Variants in WDR45B observed in about 807,000 individuals in gnomAD.
The protein encoded by WDR45B is WD repeat domain 45B.
In WDR45B, 20 loss-of-function variants were observed where a neutral mutation model predicts 44.6. That is an observed-to-expected ratio of 0.45 (90% CI 0.32 to 0.65). WDR45B has a LOEUF of 0.65. Ranked by LOEUF, WDR45B falls within the 30% of genes least tolerant of loss-of-function variation. The pLI is 0.05. For missense variants in WDR45B, 323 were observed against 430.2 expected (o/e 0.75, Z 2.20); for synonymous variants, 169 against 164.9 (o/e 1.02, Z -0.19).
At chr17:82,627,178 T>C (rs766342750) in intron 4 of WDR45B, 26 bp downstream of exon 4, 1 of 1,580,386 alleles carries the variant, frequency 6.3e-7, no homozygotes, top group African/African-American at 1.3e-5. Flanking sequence ...AATACCACTT[T>C]AAAAAATTAC....
At chr17:82,642,480 G>A (rs973117568) in intron 2 of WDR45B, among the ~76,000 whole-genome samples, 1 of 152,208 alleles carries the variant, frequency 6.6e-6, no homozygotes, top group Non-Finnish European at 1.5e-5. Context: ...TAATAAACTG[G>A]TAAATGTGCT....
intron 7 of WDR45B, among the ~76,000 whole-genome samples, chr17:82,618,459 A>C (rs1476027394): frequency 2.6e-5 from 4 of 152,230 alleles, no homozygotes; most frequent in Admixed American, 1.3e-4. Flanking sequence ...GCATTGCCTT[A>C]AACACAAGCC....
At chr17:82,637,315 G>A (rs1366041960) in intron 2 of WDR45B, among the ~76,000 whole-genome samples, 1 of 151,954 alleles carries the variant, frequency 6.6e-6, no homozygotes, top group African/African-American at 2.4e-5. Flanking sequence ...CTAAACATCA[G>A]CTGAGGAAAA....
intron 1 of WDR45B, 123 bp from the exon 2 acceptor site, chr17:82,644,146 G>T: frequency 1.2e-6 from 1 of 863,266 alleles, no homozygotes; most frequent in Non-Finnish European, 1.9e-6. Flanking sequence ...GACACGATAG[G>T]TGCTAAGTCA....
At position 82,648,360 on chromosome 17, in the gene WDR45B, G is replaced by A; in HGVS notation, c.-20C>T. 1.2e-6 allele frequency: 2 copies of A among 1,603,422 alleles called. No individual in the cohort carries two copies. Among genetic ancestry groups the A allele is most frequent in the East Asian group, 2.3e-5 (1 of 44,096 alleles). ...GTTCATGGCGCCGCCGTGCTGGGTC[G>A]CCGCTCCTCAGCGCTGCATGCCTCT... is the stretch of plus-strand genomic sequence containing the variant. On this transcript the variant is annotated 5_prime_UTR_variant, in exon 1 of 10. Transcript: ENST00000392325.
In WDR45B at chr17:82,631,015, T is replaced by C. The variant is rs1237776946; in HGVS notation, c.150A>G (p.Leu50=). 1 of 1,613,702 alleles carries C rather than the reference T, an allele frequency of 6.2e-7. No homozygotes were observed. The highest frequency in any genetic ancestry group is 8.5e-7 in the Non-Finnish European group (1 of 1,179,834). The change falls in exon 3 of 10, where the codon CTA becomes CTG. Residue 50 remains leucine, a synonymous_variant. Transcript: ENST00000392325. ...TTTCAACATGGCCAACTCCTCCTTC[T>C]AGAAATTCTGAAATGATAGTTTTAA... ...PLKEKEKQEF[L]EGGVGHVEML...
intron 1 of WDR45B, among the ~76,000 whole-genome samples, 190 bp downstream of exon 1, chr17:82,648,084 G>A (rs1177196939): frequency 6.7e-6 from 1 of 149,632 alleles, no homozygotes; most frequent in Non-Finnish European, 1.5e-5. Flanking sequence ...GGCCTGGTCC[G>A]GACCCCGGCT....
Position 82,615,695 on chromosome 17 carries a change from G to C in WDR45B, c.*224C>G. ...GGAACAGCCAGTGGCCGCCAGTCGA[G>C]CTGGTCACAGCCACTGAGTTACCTA... On this transcript the variant is annotated 3_prime_UTR_variant, in exon 10 of 10. Transcript: ENST00000392325. 1.8e-6 allele frequency: 1 copy of C among 568,434 alleles called. No homozygotes were observed. 35.2% of individuals were successfully genotyped at this position (568,434 alleles called of 1,614,324 possible).
At chr17:82,622,038 T>TC (rs1377936969) in intron 5 of WDR45B, among the ~76,000 whole-genome samples, 3 of 152,054 alleles carry the variant, frequency 2.0e-5, no homozygotes, top group African/African-American at 7.2e-5. Context: ...TTACCAACTG[T>TC]CCATCCATCA....
chr17:82,627,232 C>T lies in WDR45B; in HGVS notation c.304G>A (p.Val102Ile), dbSNP rs2045709382. 10 of 1,613,728 alleles carry T rather than the reference C, an allele frequency of 6.2e-6. No individual in the cohort carries two copies. The highest frequency in any genetic ancestry group is 8.5e-6 in the Non-Finnish European group (10 of 1,179,986). ...TVIEIEFSTE[V>I]KAVKLRRDRI... ...TCTCGCCGCAGCTTGACTGCCTTGA[C>T]TTCTGTAGAAAATTCTATTTCAATA... The change falls in exon 4 of 10, where the codon GTC (valine) becomes ATC (isoleucine). Residue 102 changes from valine (V) to isoleucine (I), a missense_variant. Coordinates refer to ENST00000392325, the MANE Select transcript of WDR45B (RefSeq NM_019613.4).
chr17:82,625,364 G>C, intron 5 of WDR45B, 25 bp downstream of exon 5: 1 of 1,609,234 alleles, frequency 6.2e-7, no homozygotes, highest in Non-Finnish European at 8.5e-7. Context: ...ATTTCCCATC[G>C]CCACCCGTCT....
intron 4 of WDR45B, 176 bp from the exon 5 acceptor site, chr17:82,625,659 G>A (rs1028901554): frequency 1.8e-4 from 116 of 652,398 alleles, no homozygotes; most frequent in Admixed American, 2.4e-4. Context: ...GGAGCTCGGC[G>A]AGTGCACGTG....
In WDR45B at chr17:82,618,011, C is replaced by T. The variant is rs555598145; in HGVS notation, c.705-614G>A. On this transcript the variant is annotated intron_variant, in intron 7 of 9. Transcript: ENST00000392325. ...TAGCACGACCTTGGCTCACTGCAAC[C>T]TCCACCTCCCAGGTTCAAGCGATCC... Among the ~76,000 whole-genome samples the T allele has an allele frequency of 7.2e-5, 11 of 152,198 alleles. No homozygotes were observed. The East Asian group carries it at 1.9e-3, about 27-fold the overall frequency.
At chr17:82,645,363 GA>G (rs1403745646) in intron 1 of WDR45B, among the ~76,000 whole-genome samples, 1 of 150,970 alleles carries the variant, frequency 6.6e-6, no homozygotes, top group Non-Finnish European at 1.5e-5. Context: ...AAATCCACAA[GA>G]AAAAGGCAAA....
chr17:82,637,842 G>A (rs2045855210), intron 2 of WDR45B, among the ~76,000 whole-genome samples: 1 of 151,862 alleles, frequency 6.6e-6, no homozygotes, highest in Non-Finnish European at 1.5e-5. Context: ...CCCAGGGGCA[G>A]AGGGTACGGC....
At chr17:82,635,855 G>A (rs75985716) in intron 2 of WDR45B, among the ~76,000 whole-genome samples, 15,373 of 151,904 alleles carry the variant, frequency 0.1, 1,029 homozygotes, top group East Asian at 0.18. Flanking sequence ...AGGCCAGGCC[G>A]AGGCAGGTGG....
intron 4 of WDR45B, chr17:82,626,807 A>C: frequency 3.8e-6 from 1 of 265,342 alleles, no homozygotes; most frequent in Non-Finnish European, 7.3e-6. Flanking sequence ...ATTTTCCTTT[A>C]CCTTCAAACC....
intron 7 of WDR45B, 43 bp downstream of exon 7, chr17:82,619,000 T>C (rs766524272): frequency 7.5e-6 from 12 of 1,594,284 alleles, no homozygotes; most frequent in Non-Finnish European, 1.0e-5. Context: ...TTCCGTGCTG[T>C]CAGCCCGAAG....
chr17:82,631,277 A>ATTTTT (rs386386786), intron 2 of WDR45B, among the ~76,000 whole-genome samples: 55 of 86,826 alleles, frequency 6.3e-4, no homozygotes, highest in Non-Finnish European at 9.5e-4. Flanking sequence ...TACAGGACTC[A>ATTTTT]TTTTTTTTTT....
Sources: gnomAD v4.1 joint callset for allele counts (sites outside exome capture counted in the v4.1 genomes callset) on GRCh38, gnomAD v4.1.1 for gene constraint, MANE v1.5 for transcripts, NCBI Gene and HGNC (gene_info 2026-07-23, HGNC 2026-07-21) for gene names.